CLMP: variants seen among roughly 807,000 people sequenced by gnomAD.
The protein encoded by CLMP is CXADR-like membrane protein.
A neutral mutation model predicts 45.2 loss-of-function variants in CLMP; 27 were observed. The ratio of observed to expected loss-of-function variants is 0.60; its 90% CI spans 0.44 to 0.82. The LOEUF is 0.82. CLMP is among the 40% of genes least tolerant of loss of function. CLMP has a pLI of 0.00. For synonymous variants in CLMP, 167 were observed against 171.4 expected (o/e 0.97, Z 0.20); for missense variants, 403 against 448.4 (o/e 0.90, Z 0.91).
chr11:123,108,938 A>C (rs906709452), intron 1 of CLMP, among the ~76,000 whole-genome samples: 4 of 151,954 alleles, frequency 2.6e-5, no homozygotes, highest in African/African-American at 7.2e-5. Flanking sequence ...GCATGCCTAT[A>C]ATCCCAGCTA....
intron 1 of CLMP, among the ~76,000 whole-genome samples, chr11:123,163,751 G>A (rs1417873939): frequency 6.6e-6 from 1 of 152,180 alleles, no homozygotes; most frequent in East Asian, 1.9e-4. Flanking sequence ...GGATCCTAGG[G>A]GTTAGAGGTA....
chr11:123,187,626 G>A (rs181701828), intron 1 of CLMP, among the ~76,000 whole-genome samples: 11 of 152,308 alleles, frequency 7.2e-5, no homozygotes, highest in Admixed American at 7.2e-4. Context: ...CAAACCTGGG[G>A]TGAGTAGATG....
intron 1 of CLMP, among the ~76,000 whole-genome samples, chr11:123,139,149 C>T (rs1591473971): frequency 6.6e-6 from 1 of 152,084 alleles, no homozygotes; most frequent in East Asian, 1.9e-4. Context: ...TGACTGAAAT[C>T]GTCTGGCTTA....
Position 123,194,929 on chromosome 11 carries a change from G to C in CLMP, c.12C>G (p.Leu4=). Residue 4 remains leucine, a synonymous_variant, in exon 1 of 7, where the codon CTC becomes CTG. Coordinates refer to ENST00000448775, the MANE Select transcript of CLMP (RefSeq NM_024769.5). The part of the protein sequence containing the change: MSL[L]LLLLLVSYYV... ...GGCACTCACCTAGCAAGAGGAGAAGGAGGAGGGACATCCCGATCCCCGGAC... is the reference window on the plus strand; with the variant it reads ...GGCACTCACCTAGCAAGAGGAGAAGCAGGAGGGACATCCCGATCCCCGGAC... 1 of 1,613,176 alleles carries C rather than the reference G, an allele frequency of 6.2e-7. No individual in the cohort carries two copies. The highest frequency in any genetic ancestry group is 8.5e-7 in the Non-Finnish European group (1 of 1,179,546).
chr11:123,167,640 T>C (rs1591484598), intron 1 of CLMP, among the ~76,000 whole-genome samples: 1 of 152,328 alleles, frequency 6.6e-6, no homozygotes, highest in East Asian at 1.9e-4. Context: ...GATATTGTGC[T>C]GCAGCCTCCG....
intron 1 of CLMP, among the ~76,000 whole-genome samples, chr11:123,139,338 A>T (rs1861122872): frequency 6.6e-6 from 1 of 152,060 alleles, no homozygotes; most frequent in Non-Finnish European, 1.5e-5. Flanking sequence ...GTTAGATGTC[A>T]AAAATAAAAC....
intron 2 of CLMP, among the ~76,000 whole-genome samples, chr11:123,088,932 A>G (rs530188289): frequency 6.6e-6 from 1 of 152,164 alleles, no homozygotes; most frequent in African/African-American, 2.4e-5. Flanking sequence ...CTGCTTGTTT[A>G]TTTTAGTATT....
intron 5 of CLMP, among the ~76,000 whole-genome samples, chr11:123,075,683 A>G (rs1426687878): frequency 6.6e-6 from 1 of 152,130 alleles, no homozygotes; most frequent in Non-Finnish European, 1.5e-5. Flanking sequence ...CACCGCGCGC[A>G]ACCAAGTGGT....
intron 1 of CLMP, among the ~76,000 whole-genome samples, chr11:123,150,508 G>GAAAGC (rs774330333): frequency 8.1e-6 from 1 of 123,184 alleles, no homozygotes; most frequent in Non-Finnish European, 1.7e-5. Flanking sequence ...AGGAAGGAAG[G>GAAAGC]AAGGAAGGAA....
In CLMP at chr11:123,114,341, T is replaced by G. The variant is rs536752963; in HGVS notation, c.29-16389A>C. ...AAGAGAGAAGATGACTGGTTTGAAC[T>G]TCATCCCTGCTCCTCTCATTCACTC... On this transcript the variant is annotated intron_variant, in intron 1 of 6. Coordinates refer to ENST00000448775, the MANE Select transcript of CLMP (RefSeq NM_024769.5). 2.7e-3 allele frequency among the ~76,000 whole-genome samples: 408 copies of G among 152,250 alleles called. 6 individuals carry two copies. Among genetic ancestry groups the G allele is most frequent in the African/African-American group, 9.5e-3 (393 of 41,564 alleles).
At chr11:123,139,893 G>C (rs1861130624) in intron 1 of CLMP, among the ~76,000 whole-genome samples, 2 of 152,000 alleles carry the variant, frequency 1.3e-5, no homozygotes, top group South Asian at 4.2e-4. Flanking sequence ...ATGGATGGTA[G>C]AGAAGTACAT....
chr11:123,114,680 A>C (rs1302940976), intron 1 of CLMP, among the ~76,000 whole-genome samples: 1 of 152,000 alleles, frequency 6.6e-6, no homozygotes, highest in Non-Finnish European at 1.5e-5. Context: ...GCAACCTATA[A>C]TTTTTAAAAC....
intron 1 of CLMP, among the ~76,000 whole-genome samples, chr11:123,119,001 C>CTTTCTT (rs1565387915): frequency 4.5e-5 from 1 of 22,452 alleles, no homozygotes; most frequent in African/African-American, 2.3e-4. Context: ...TTCTTTCTTT[C>CTTTCTT]TCTCTCTCTC....
chr11:123,094,232 A>G (rs561280834), intron 2 of CLMP, among the ~76,000 whole-genome samples: 1 of 152,180 alleles, frequency 6.6e-6, no homozygotes, highest in East Asian at 1.9e-4. Context: ...TTAGCCTCAT[A>G]AGTGGCTGAG....
intron 1 of CLMP, among the ~76,000 whole-genome samples, chr11:123,156,532 G>A (rs1861417044): frequency 6.6e-6 from 1 of 152,084 alleles, no homozygotes; most frequent in Non-Finnish European, 1.5e-5. Context: ...TTAAGTGGTG[G>A]TCGGGGGGAT....
At chr11:123,158,428 T>A (rs1047561434) in intron 1 of CLMP, among the ~76,000 whole-genome samples, 7 of 152,176 alleles carry the variant, frequency 4.6e-5, no homozygotes, top group African/African-American at 1.7e-4. Flanking sequence ...AGTGCCAGTC[T>A]CCTCCAATGT....
chr11:123,105,645 G>T (rs1860533720), intron 1 of CLMP, among the ~76,000 whole-genome samples: 1 of 151,618 alleles, frequency 6.6e-6, no homozygotes, highest in African/African-American at 2.4e-5. Flanking sequence ...TGTCAGGTTT[G>T]TCTCAAACTC....
At chr11:123,113,526 C>T (rs887854497) in intron 1 of CLMP, among the ~76,000 whole-genome samples, 1 of 152,180 alleles carries the variant, frequency 6.6e-6, no homozygotes. Flanking sequence ...ACCTGGCAGG[C>T]GATGACCTTC....
intron 1 of CLMP, among the ~76,000 whole-genome samples, chr11:123,110,401 C>T (rs185362935): frequency 2.0e-4 from 31 of 151,786 alleles, no homozygotes; most frequent in Non-Finnish European, 4.0e-4. Context: ...TTGCCATGAG[C>T]CCTGATTGTG....
Sources: allele counts gnomAD v4.1 joint callset (sites outside exome capture counted in the v4.1 genomes callset), GRCh38; gene constraint gnomAD v4.1.1; transcripts MANE v1.5; gene names NCBI Gene and HGNC (gene_info 2026-07-23, HGNC 2026-07-21).